Variants in ARSB observed in about 807,000 individuals in gnomAD.
ARSB encodes N-acetylgalactosamine-4-sulfatase.
A neutral mutation model predicts 50.9 loss-of-function variants in ARSB; 41 were observed. The ratio of observed to expected loss-of-function variants is 0.81; its 90% CI spans 0.63 to 1.04. ARSB has a LOEUF of 1.04. Ranked by LOEUF, ARSB falls within the 50% of genes least tolerant of loss-of-function variation. The pLI is 0.00. For missense variants in ARSB, 672 were observed against 693.3 expected, an observed-to-expected ratio of 0.97 and a Z score of 0.35; for synonymous variants, 269 against 284.8, an observed-to-expected ratio of 0.94 and a Z score of 0.56.
intron 6 of ARSB, among the ~76,000 whole-genome samples, chr5:78,818,598 CTTTTTTTTTTTTTTTTTTT>C: frequency 1.3e-5 from 1 of 74,190 alleles, no homozygotes; most frequent in South Asian, 6.2e-4. Flanking sequence ...AAATAAAGCT[CTTTTTTTTTTTTTTTTTTT>C]TTTTTTTTTT....
chr5:78,811,269 T>A (rs1743795901), intron 6 of ARSB, among the ~76,000 whole-genome samples: 1 of 152,186 alleles, frequency 6.6e-6, no homozygotes, highest in South Asian at 2.1e-4. Flanking sequence ...ATAATTGAGA[T>A]CACACATGGA....
intron 4 of ARSB, among the ~76,000 whole-genome samples, chr5:78,953,561 G>GA (rs1751575951): frequency 6.6e-6 from 1 of 152,116 alleles, no homozygotes; most frequent in African/African-American, 2.4e-5. Context: ...AACAACTCGT[G>GA]AAAAAACAAA....
At chr5:78,967,362 C>G (rs988147338) in intron 2 of ARSB, among the ~76,000 whole-genome samples, 1 of 152,106 alleles carries the variant, frequency 6.6e-6, no homozygotes, top group Admixed American at 6.6e-5. Flanking sequence ...CTTTCTTTCT[C>G]CCTCTTCGGA....
chr5:78,971,058 G>A (rs1012074888), intron 1 of ARSB, among the ~76,000 whole-genome samples: 3 of 152,184 alleles, frequency 2.0e-5, no homozygotes, highest in Non-Finnish European at 2.9e-5. Context: ...GGAGAAATCC[G>A]GGGTAAGAGC....
intron 6 of ARSB, among the ~76,000 whole-genome samples, chr5:78,795,215 ACT>A (rs1277365330): frequency 6.6e-6 from 1 of 151,994 alleles, no homozygotes; most frequent in African/African-American, 2.4e-5. Flanking sequence ...TCCCAAACAA[ACT>A]CTATGCAGCT....
At chr5:78,982,863 C>A (rs1030860511) in intron 1 of ARSB, among the ~76,000 whole-genome samples, 6 of 152,106 alleles carry the variant, frequency 3.9e-5, no homozygotes, top group African/African-American at 1.4e-4. Context: ...TTTGGGGAAG[C>A]AAGGCTGCTT....
chr5:78,961,611 C>T (rs1051247859), intron 3 of ARSB, among the ~76,000 whole-genome samples: 1 of 152,126 alleles, frequency 6.6e-6, no homozygotes, highest in African/African-American at 2.4e-5. Context: ...TATTTCACTC[C>T]AGTTGCTTCC....
intron 6 of ARSB, among the ~76,000 whole-genome samples, chr5:78,804,009 C>A (rs1238120963): frequency 6.6e-6 from 1 of 152,216 alleles, no homozygotes; most frequent in Non-Finnish European, 1.5e-5. Flanking sequence ...CCAGACAGGG[C>A]CCCTGGCAGT....
chr5:78,780,253 G>A lies in ARSB; in HGVS notation c.*144C>T, dbSNP rs1369166152. The A allele has an allele frequency of 1.9e-5, 21 of 1,084,884 alleles. No homozygotes were observed. The South Asian group carries it at 2.6e-4, about 13-fold the overall frequency. 67.2% of individuals were successfully genotyped at this position (1,084,884 alleles called of 1,614,324 possible). A position where few individuals can be genotyped will look rare whatever the true frequency, so the allele number is the denominator to read the frequency against. On this transcript the variant is annotated 3_prime_UTR_variant, in exon 8 of 8. Transcript: ENST00000264914. ...TATCAGCTTCTTAAATGCATTAGGG[G>A]TTGAAATTAGACACCTCGGTGTGGT...
chr5:78,818,766 C>T (rs938099659), intron 6 of ARSB, among the ~76,000 whole-genome samples: 9 of 151,954 alleles, frequency 5.9e-5, no homozygotes, highest in African/African-American at 2.2e-4. Context: ...TTCAGGCGCC[C>T]GCTACCAGAA....
At chr5:78,798,848 C>T (rs1012307311) in intron 6 of ARSB, among the ~76,000 whole-genome samples, 1 of 152,128 alleles carries the variant, frequency 6.6e-6, no homozygotes, top group Non-Finnish European at 1.5e-5. Flanking sequence ...GGCTGGTGTT[C>T]TTCCAAGGGC....
chr5:78,842,692 A>G (rs985828492), intron 5 of ARSB, among the ~76,000 whole-genome samples: 6 of 152,122 alleles, frequency 3.9e-5, no homozygotes, highest in African/African-American at 1.4e-4. Flanking sequence ...GTAGTCTCCA[A>G]TAATCACATG....
intron 4 of ARSB, among the ~76,000 whole-genome samples, chr5:78,889,262 C>T (rs1337289372): frequency 6.6e-6 from 1 of 152,194 alleles, no homozygotes; most frequent in African/African-American, 2.4e-5. Context: ...TCCTATATTG[C>T]TCACTGAAGT....
intron 4 of ARSB, among the ~76,000 whole-genome samples, chr5:78,896,568 T>C (rs1580014837): frequency 6.6e-6 from 1 of 152,232 alleles, no homozygotes; most frequent in Admixed American, 6.5e-5. Context: ...TGGCTGGATG[T>C]CCTAGACTTG....
In ARSB at chr5:78,778,757, T is replaced by C. The variant is rs1748840249; in HGVS notation, c.*1640A>G. 6.6e-6 allele frequency: 1 copy of C among 152,226 alleles called. No homozygotes were observed. The highest frequency in any genetic ancestry group is 1.5e-5 in the Non-Finnish European group (1 of 68,044). The allele number at this position is 152,226 out of a possible 1,614,324, so 9.4% of individuals were successfully genotyped here. ...AAAAAATGAGGCCAGGCATGGTGAC[T>C]CATGCCTGTAATCCCAGCACTTTTG... On this transcript the variant is annotated 3_prime_UTR_variant, in exon 8 of 8. Transcript: ENST00000264914.
At chr5:78,934,528 G>T (rs373973500) in intron 4 of ARSB, among the ~76,000 whole-genome samples, 2 of 152,174 alleles carry the variant, frequency 1.3e-5, no homozygotes, top group East Asian at 3.9e-4. Flanking sequence ...AATAGTTAAT[G>T]AAAGAGAAAA....
chr5:78,912,508 G>T (rs1209753400), intron 4 of ARSB, among the ~76,000 whole-genome samples: 1 of 152,168 alleles, frequency 6.6e-6, no homozygotes, highest in Admixed American at 6.6e-5. Context: ...GCAGGAAAAG[G>T]GCCTGTCAGT....
chr5:78,836,411 G>A lies in ARSB; in HGVS notation c.1213+2945C>T, dbSNP rs573727976. ...GCAGGAGTCCCAAGCTGGTGGGGAAGCCAACATGAAGGCCTGGGTGGGCTC... is the reference window on the plus strand; with the variant it reads ...GCAGGAGTCCCAAGCTGGTGGGGAAACCAACATGAAGGCCTGGGTGGGCTC... On this transcript the variant is annotated intron_variant, in intron 6 of 7. Coordinates refer to ENST00000264914, the MANE Select transcript of ARSB (RefSeq NM_000046.5). 2.6e-5 allele frequency among the ~76,000 whole-genome samples: 4 copies of A among 152,316 alleles called. No individual in the cohort carries two copies. In the South Asian group the frequency reaches 8.3e-4, roughly 32 times the overall value.
chr5:78,812,757 C>G (rs1477501366), intron 6 of ARSB, among the ~76,000 whole-genome samples: 1 of 152,076 alleles, frequency 6.6e-6, no homozygotes, highest in Non-Finnish European at 1.5e-5. Context: ...CTTTGGGAGG[C>G]TGAGGCAGGT....
Sources: gnomAD v4.1 joint callset for allele counts (sites outside exome capture counted in the v4.1 genomes callset) on GRCh38, gnomAD v4.1.1 for gene constraint, MANE v1.5 for transcripts, NCBI Gene and HGNC (gene_info 2026-07-23, HGNC 2026-07-21) for gene names.